The following NR2F1-AS1 variants were observed in gnomAD, a reference collection of about 807,000 sequenced individuals.
The protein encoded by NR2F1-AS1 is NR2F1 antisense RNA 1.
intron 4 of NR2F1-AS1, among the ~76,000 whole-genome samples, chr5:93,440,455 T>C (rs1161785685): frequency 1.3e-5 from 2 of 152,222 alleles, no homozygotes; most frequent in Non-Finnish European, 2.9e-5. Context: ...GAAGGAATTC[T>C]TTCTCTCTAC....
chr5:93,425,471 A>G (rs975992121), intron 4 of NR2F1-AS1, among the ~76,000 whole-genome samples: 1 of 152,052 alleles, frequency 6.6e-6, no homozygotes, highest in African/African-American at 2.4e-5. Flanking sequence ...AGAAAGAGAG[A>G]CTCCACCTCT....
chr5:93,499,921 C>T (rs1751043266), intron 4 of NR2F1-AS1, among the ~76,000 whole-genome samples: 1 of 152,158 alleles, frequency 6.6e-6, no homozygotes, highest in Non-Finnish European at 1.5e-5. Context: ...ACCTAATCCA[C>T]ATCAAGAATC....
At chr5:93,449,104 G>A (rs940338293) in intron 4 of NR2F1-AS1, among the ~76,000 whole-genome samples, 1 of 151,980 alleles carries the variant, frequency 6.6e-6, no homozygotes, top group Non-Finnish European at 1.5e-5. Context: ...AAGTATCTAA[G>A]GGAGAAATTG....
At chr5:93,452,428 C>T (rs899806990) in intron 4 of NR2F1-AS1, among the ~76,000 whole-genome samples, 1 of 152,196 alleles carries the variant, frequency 6.6e-6, no homozygotes, top group Non-Finnish European at 1.5e-5. Context: ...GCAGAATCCA[C>T]ACAGAGCCCA....
intron 4 of NR2F1-AS1, among the ~76,000 whole-genome samples, chr5:93,518,725 T>G (rs1018263888): frequency 2.0e-5 from 3 of 152,110 alleles, no homozygotes; most frequent in Non-Finnish European, 2.9e-5. Flanking sequence ...TTGAAAGCAT[T>G]TTGGTATTTA....
intron 4 of NR2F1-AS1, among the ~76,000 whole-genome samples, chr5:93,544,186 A>G (rs1561492378): frequency 6.6e-6 from 1 of 152,222 alleles, no homozygotes; most frequent in Non-Finnish European, 1.5e-5. Context: ...AATTAAATGA[A>G]CAAATATAGA....
chr5:93,557,755 C>T (rs1397449998), intron 2 of NR2F1-AS1, among the ~76,000 whole-genome samples: 1 of 152,124 alleles, frequency 6.6e-6, no homozygotes, highest in African/African-American at 2.4e-5. Context: ...TTGATTGATT[C>T]TTCCTTTAAT....
intron 4 of NR2F1-AS1, among the ~76,000 whole-genome samples, chr5:93,507,218 A>G (rs1751203049): frequency 6.6e-6 from 1 of 152,206 alleles, no homozygotes; most frequent in Non-Finnish European, 1.5e-5. Context: ...TTAATAGTAA[A>G]ATTTTAAAGC....
At chr5:93,504,809 G>A (rs1751153086) in intron 4 of NR2F1-AS1, among the ~76,000 whole-genome samples, 2 of 151,962 alleles carry the variant, frequency 1.3e-5, no homozygotes, top group South Asian at 4.2e-4. Context: ...ACAATACATG[G>A]GAATTCTGGG....
chr5:93,445,789 C>G (rs1749691556), intron 4 of NR2F1-AS1, among the ~76,000 whole-genome samples: 6 of 152,018 alleles, frequency 3.9e-5, no homozygotes, highest in Admixed American at 3.9e-4. Flanking sequence ...AACATCAATG[C>G]AAAAATCCTC....
At chr5:93,542,277 C>G (rs1188992427) in intron 4 of NR2F1-AS1, 1 of 151,622 alleles carries the variant, frequency 6.6e-6, no homozygotes, top group Non-Finnish European at 1.5e-5. Context: ...TTATTAAGAC[C>G]TAAAAATTTT....
intron 4 of NR2F1-AS1, chr5:93,432,596 A>G (rs147781475): frequency 6.6e-6 from 1 of 152,280 alleles, no homozygotes; most frequent in Non-Finnish European, 1.5e-5. Context: ...CCTTCTTACC[A>G]TATCTCAGAG....
chr5:93,493,444 T>C (rs949914645), intron 4 of NR2F1-AS1, among the ~76,000 whole-genome samples: 2 of 152,052 alleles, frequency 1.3e-5, no homozygotes, highest in Non-Finnish European at 1.5e-5. Flanking sequence ...TGTTCATGAA[T>C]TGTAAGACTT....
intron 4 of NR2F1-AS1, among the ~76,000 whole-genome samples, chr5:93,486,314 T>G (rs886230954): frequency 2.0e-5 from 3 of 150,638 alleles, no homozygotes; most frequent in African/African-American, 4.9e-5. Flanking sequence ...CCAGGAGCTG[T>G]TTTTTTTTAA....
At chr5:93,493,374 C>A (rs1221094506) in intron 4 of NR2F1-AS1, among the ~76,000 whole-genome samples, 2 of 151,792 alleles carry the variant, frequency 1.3e-5, no homozygotes, top group Non-Finnish European at 2.9e-5. Flanking sequence ...TTGTGTAATA[C>A]ACAATAAAAC....
intron 4 of NR2F1-AS1, among the ~76,000 whole-genome samples, chr5:93,530,427 T>G (rs1751712674): frequency 6.6e-6 from 1 of 152,124 alleles, no homozygotes; most frequent in African/African-American, 2.4e-5. Context: ...GTACCAGTAA[T>G]ACGAATCTCT....
At chr5:93,549,477 G>T (rs1443919262) in intron 4 of NR2F1-AS1, among the ~76,000 whole-genome samples, 2 of 152,058 alleles carry the variant, frequency 1.3e-5, no homozygotes, top group African/African-American at 4.8e-5. Context: ...ACAATTCTAT[G>T]GTCCTTATAT....
At chr5:93,469,768 A>C (rs1186915016) in intron 4 of NR2F1-AS1, among the ~76,000 whole-genome samples, 1 of 152,042 alleles carries the variant, frequency 6.6e-6, no homozygotes, top group African/African-American at 2.4e-5. Flanking sequence ...ACTCCCTGTC[A>C]GTTATTGTGG....
At chr5:93,552,208 T>C (rs761848403) in intron 4 of NR2F1-AS1, among the ~76,000 whole-genome samples, 6 of 152,170 alleles carry the variant, frequency 3.9e-5, no homozygotes, top group Non-Finnish European at 7.4e-5. Context: ...ATACAGGCTC[T>C]AGAAGAGATC....
Sources: gnomAD v4.1 joint callset for allele counts (sites outside exome capture counted in the v4.1 genomes callset) on GRCh38, gnomAD v4.1.1 for gene constraint, MANE v1.5 for transcripts, NCBI Gene and HGNC (gene_info 2026-07-23, HGNC 2026-07-21) for gene names.